MLXIP: variants seen among roughly 807,000 people sequenced by gnomAD.
MLXIP encodes MLX interacting protein, also known as MLX-interacting protein.
In MLXIP, 30 loss-of-function variants were observed where a neutral mutation model predicts 87.2. That is an observed-to-expected ratio of 0.34 (90% CI 0.26 to 0.47). MLXIP has a LOEUF of 0.47. Ranked by LOEUF, MLXIP falls within the 20% of genes least tolerant of loss-of-function variation. The pLI, the probability that MLXIP is intolerant of heterozygous loss-of-function variation, is 1.00. For synonymous variants in MLXIP, 530 were observed against 514.0 expected (o/e 1.03, Z -0.42); for missense variants, 1,002 against 1,240.1 (o/e 0.81, Z 2.88).
At chr12:122,115,956 C>T in intron 1 of MLXIP, among the ~76,000 whole-genome samples, 1 of 151,630 alleles carries the variant, frequency 6.6e-6, no homozygotes, top group East Asian at 1.9e-4. Flanking sequence ...GAGGCTGAGG[C>T]AGGAGAATCA....
rs1231976234 is a variant in MLXIP, at chr12:122,142,110, G to A, written c.*298G>A. 1.6e-5 allele frequency: 11 copies of A among 701,784 alleles called. No individual in the cohort carries two copies. In the East Asian group the frequency reaches 3.0e-4, roughly 19 times the overall value. The allele number at this position is 701,784 out of a possible 1,614,324, so 43.5% of individuals were successfully genotyped here. A position where few individuals can be genotyped will look rare whatever the true frequency, so the allele number is the denominator to read the frequency against. ...CAAAAGGGAAGTGCTGGCCGTGCTG[G>A]TCCTGCCCTGCTGGTGGCCTGCCGG... is the stretch of plus-strand genomic sequence containing the variant. On this transcript the variant is annotated 3_prime_UTR_variant, in exon 17 of 17. Coordinates refer to ENST00000319080, the MANE Select transcript of MLXIP (RefSeq NM_014938.6).
At chr12:122,121,010 G>GTTTTTTTTGTTTTTTTT (rs1952771936) in intron 1 of MLXIP, among the ~76,000 whole-genome samples, 7 of 111,904 alleles carry the variant, frequency 6.3e-5, no homozygotes, top group Non-Finnish European at 1.0e-4. Context: ...TGCATGCTTG[G>GTTTTTTTTGTTTTTTTT]TTTTTTTTTT....
At chr12:122,129,723 GC>G in intron 5 of MLXIP, 94 bp downstream of exon 5, 12 of 1,484,606 alleles carry the variant, frequency 8.1e-6, no homozygotes, top group Non-Finnish European at 1.1e-5. Flanking sequence ...AAGGCGGCAG[GC>G]CATGGGCCCT....
chr12:122,112,122 T>C (rs552224208), intron 1 of MLXIP, among the ~76,000 whole-genome samples: 15 of 152,310 alleles, frequency 9.8e-5, no homozygotes, highest in African/African-American at 3.4e-4. Flanking sequence ...ATTAGTGTGA[T>C]GGCAGCACAG....
chr12:122,138,146 G>A, intron 12 of MLXIP, 48 bp from the exon 13 acceptor site: 1 of 1,498,824 alleles, frequency 6.7e-7, no homozygotes, highest in Non-Finnish European at 9.1e-7. Flanking sequence ...AGGGTGGACA[G>A]TGTGCCTGCA....
intron 1 of MLXIP, among the ~76,000 whole-genome samples, chr12:122,088,147 C>T (rs985285435): frequency 2.6e-5 from 4 of 152,140 alleles, no homozygotes; most frequent in African/African-American, 7.2e-5. Context: ...TTTGCCCTAC[C>T]CAGGTGCCCT....
At chr12:122,092,178 A>G (rs1015724727) in intron 1 of MLXIP, among the ~76,000 whole-genome samples, 3 of 151,264 alleles carry the variant, frequency 2.0e-5, no homozygotes, top group African/African-American at 7.3e-5. Context: ...GCTCATTGCA[A>G]CCTCCACATC....
chr12:122,137,233 G>T lies in MLXIP; in HGVS notation c.2033-236G>T, dbSNP rs1176546776. 6 of 374,732 alleles carry T rather than the reference G, an allele frequency of 1.6e-5. No individual in the cohort carries two copies. The highest frequency in any genetic ancestry group is 4.2e-5 in the African/African-American group (2 of 48,044). The allele number at this position is 374,732 out of a possible 1,614,324, so 23.2% of individuals were successfully genotyped here. ...ACCAGTGACTGGAACACGTCACACA[G>T]GGTTGCTCCATCGTGTTCTGTGTGG... On this transcript the variant is annotated intron_variant, in intron 11 of 16. Coordinates refer to ENST00000319080, the MANE Select transcript of MLXIP (RefSeq NM_014938.6). This position sits in a 1 kb window ranked among gnomAD's most constrained non-coding sequence, Gnocchi z 4.1.
rs994723334 is a variant in MLXIP, at chr12:122,078,891, C to G, written c.38C>G (p.Pro13Arg). The G allele has an allele frequency of 6.1e-6, 7 of 1,142,564 alleles. No individual in the cohort carries two copies. The allele number at this position is 1,142,564 out of a possible 1,614,324, so 70.8% of individuals were successfully genotyped here. ...ADVFMCSPRR[P>R]RSRGRQVLLK... The stretch of plus-strand genomic sequence containing the variant: ...GTCTTCATGTGCTCCCCGCGCCGGC[C>G]TCGCAGCCGGGGCCGCCAGGTGCTG... The change falls in exon 1 of 17, where the codon CCT (proline) becomes CGT (arginine). Residue 13 changes from proline (P) to arginine (R), a missense_variant. Coordinates refer to ENST00000319080, the MANE Select transcript of MLXIP (RefSeq NM_014938.6).
intron 1 of MLXIP, among the ~76,000 whole-genome samples, chr12:122,088,835 C>T (rs1952205783): frequency 6.6e-6 from 1 of 151,866 alleles, no homozygotes; most frequent in Admixed American, 6.6e-5. Flanking sequence ...GGGGAATTAG[C>T]CTAGTTTTCG....
intron 2 of MLXIP, 147 bp downstream of exon 2, chr12:122,127,509 C>A: frequency 1.6e-6 from 1 of 637,334 alleles, no homozygotes; most frequent in Non-Finnish European, 2.7e-6. Context: ...AGCCATCAGG[C>A]CCAGCAGAGG....
intron 1 of MLXIP, among the ~76,000 whole-genome samples, chr12:122,125,033 G>A (rs961816474): frequency 4.6e-5 from 7 of 152,210 alleles, no homozygotes; most frequent in African/African-American, 1.4e-4. Context: ...GGGTGTGGTG[G>A]CGCATGCCTG....
intron 1 of MLXIP, among the ~76,000 whole-genome samples, chr12:122,094,382 CTG>C (rs1286321840): frequency 2.0e-4 from 20 of 98,662 alleles, no homozygotes; most frequent in Middle Eastern, 0.011. Context: ...TTTGCAGTGT[CTG>C]TGTGGTGTTG....
chr12:122,079,327 G>C, intron 1 of MLXIP, 61 bp downstream of exon 1: 1 of 1,464,410 alleles, frequency 6.8e-7, no homozygotes, highest in Non-Finnish European at 9.3e-7. Flanking sequence ...CAAAACAAGC[G>C]TGGAGGGAAG....
intron 1 of MLXIP, among the ~76,000 whole-genome samples, chr12:122,118,441 C>T (rs1341823898): frequency 6.6e-6 from 1 of 152,236 alleles, no homozygotes; most frequent in Non-Finnish European, 1.5e-5. Context: ...CAGCTCATCT[C>T]TGCAAAGGGA....
In MLXIP at chr12:122,135,795, T is replaced by A; in HGVS notation, c.2032+129T>A. 1 of 1,127,770 alleles carries A rather than the reference T, an allele frequency of 8.9e-7. No homozygotes were observed. Among genetic ancestry groups the A allele is most frequent in the Non-Finnish European group, 1.2e-6 (1 of 830,104 alleles). 69.9% of individuals were successfully genotyped at this position (1,127,770 alleles called of 1,614,324 possible). A position where few individuals can be genotyped will look rare whatever the true frequency, so the allele number is the denominator to read the frequency against. On this transcript the variant is annotated intron_variant, in intron 11 of 16. Coordinates refer to ENST00000319080, the MANE Select transcript of MLXIP (RefSeq NM_014938.6). The surrounding 1 kb of genome is among the most constrained non-coding windows in gnomAD (Gnocchi z 5.3). ...GCTTAGGACACACAGTGAGGTCTTGTAGGCCTGCTGATAACACAGTCTGGG... is the reference window on the plus strand; with the variant it reads ...GCTTAGGACACACAGTGAGGTCTTGAAGGCCTGCTGATAACACAGTCTGGG...
intron 1 of MLXIP, among the ~76,000 whole-genome samples, chr12:122,125,091 G>A (rs1261055331): frequency 2.0e-5 from 3 of 152,316 alleles, no homozygotes; most frequent in South Asian, 2.1e-4. Context: ...ACTTGAACCC[G>A]GGAGGCAGAG....
intron 3 of MLXIP, 145 bp from the exon 4 acceptor site, chr12:122,128,992 C>A: frequency 1.5e-6 from 1 of 665,798 alleles, no homozygotes; most frequent in Non-Finnish European, 2.7e-6. Flanking sequence ...GTGGGACGTA[C>A]TTTCTGAGTG....
rs370025893 is a variant in MLXIP at position 122,138,256 on chromosome 12, C to T, written c.2217C>T (p.Phe739=). The T allele has an allele frequency of 1.2e-5, 20 of 1,613,322 alleles. No homozygotes were observed. Among genetic ancestry groups the T allele is most frequent in the Middle Eastern group, 3.3e-4 (2 of 6,062 alleles). ...GGCGCTTCAACATCAAGATGTGCTT[C>T]GACATGCTCAACAGCCTCATCTCCA... ...QKRRFNIKMC[F]DMLNSLISNN... The change falls in exon 13 of 17, where the codon TTC becomes TTT. Residue 739 remains phenylalanine (F), a synonymous_variant. Transcript: ENST00000319080.
Sources: allele counts gnomAD v4.1 joint callset (sites outside exome capture counted in the v4.1 genomes callset), GRCh38; gene constraint gnomAD v4.1.1; non-coding constraint Gnocchi (gnomAD v3.1); transcripts MANE v1.5; gene names NCBI Gene and HGNC (gene_info 2026-07-23, HGNC 2026-07-21).